The following PAPSS2 variants were observed in gnomAD, a reference collection of about 807,000 sequenced individuals.
PAPSS2 encodes 3'-phosphoadenosine 5'-phosphosulfate synthase 2, also known as bifunctional 3'-phosphoadenosine 5'-phosphosulfate synthase 2.
A neutral mutation model predicts 66.5 loss-of-function variants in PAPSS2; 61 were observed. The ratio of observed to expected loss-of-function variants is 0.92; its 90% CI spans 0.75 to 1.14. The LOEUF (loss-of-function observed/expected upper bound fraction) is 1.14. Among genes scored for constraint, PAPSS2 ranks in the 50% most tolerant of loss-of-function variants. PAPSS2 has a pLI of 0.00. For missense variants in PAPSS2, 708 were observed against 789.6 expected (o/e 0.90, Z 1.24); for synonymous variants, 289 against 287.5 (o/e 1.01, Z -0.05).
In PAPSS2 at chr10:87,743,806, T is replaced by A. The variant is rs190016044; in HGVS notation, c.1491+165T>A. Among the ~76,000 whole-genome samples the A allele has an allele frequency of 3.9e-4, 59 of 152,276 alleles. No homozygotes were observed. The East Asian group carries it at 0.01, about 26-fold the overall frequency. On this transcript the variant is annotated intron_variant, in intron 11 of 12. Transcript: ENST00000456849. ...AGCTTAATTATGTTTCCACTTAGTA[T>A]TTGAAAAGTGCTAGAAGGCCAGGCG...
intron 12 of PAPSS2, among the ~76,000 whole-genome samples, chr10:87,745,466 C>G (rs1853926201): frequency 6.6e-6 from 1 of 152,158 alleles, no homozygotes; most frequent in African/African-American, 2.4e-5. Flanking sequence ...CATTCTTGAG[C>G]ATGCACAGAG....
At chr10:87,714,218 T>C (rs1206978064) in intron 4 of PAPSS2, 36 bp downstream of exon 4, 1 of 1,605,584 alleles carries the variant, frequency 6.2e-7, no homozygotes. Flanking sequence ...ACCAGTTACA[T>C]AGGCTGTCAG....
intron 1 of PAPSS2, among the ~76,000 whole-genome samples, chr10:87,697,800 CT>C (rs1332472874): frequency 1.1e-4 from 16 of 152,016 alleles, no homozygotes; most frequent in African/African-American, 3.6e-4. Flanking sequence ...ACAGTCTCTT[CT>C]CTTCCAGATA....
intron 9 of PAPSS2, among the ~76,000 whole-genome samples, chr10:87,739,322 G>A (rs1424556027): frequency 6.6e-6 from 1 of 152,162 alleles, no homozygotes; most frequent in African/African-American, 2.4e-5. Context: ...TTTAAAAATA[G>A]GGTTTTAGCT....
chr10:87,669,911 T>G (rs1302323885), intron 1 of PAPSS2, among the ~76,000 whole-genome samples: 1 of 152,250 alleles, frequency 6.6e-6, no homozygotes, highest in Non-Finnish European at 1.5e-5. Context: ...ACAGCTAGAT[T>G]AGGTAACTAG....
rs1375931554 is a variant in PAPSS2 at position 87,715,660 on chromosome 10, G to C, written c.754-72G>C. On this transcript the variant is annotated intron_variant, in intron 6 of 12. Coordinates refer to ENST00000456849, the MANE Select transcript of PAPSS2 (RefSeq NM_001015880.2). Reference sequence around the variant, plus strand: ...ATCCTCCTGTTAACTGAATAAGAAAGGACTTCCCTGGGGCCAGATGCCTGG... The same window carrying C: ...ATCCTCCTGTTAACTGAATAAGAAACGACTTCCCTGGGGCCAGATGCCTGG... 3.3e-6 allele frequency: 3 copies of C among 906,900 alleles called. No individual in the cohort carries two copies. The East Asian group carries it at 7.4e-5, about 22-fold the overall frequency. The allele number at this position is 906,900 out of a possible 1,614,324, so 56.2% of individuals were successfully genotyped here. A position where few individuals can be genotyped will look rare whatever the true frequency, so the allele number is the denominator to read the frequency against.
chr10:87,738,391 GT>G (rs530482092), intron 9 of PAPSS2, among the ~76,000 whole-genome samples: 27 of 149,110 alleles, frequency 1.8e-4, no homozygotes, highest in African/African-American at 2.4e-4. Flanking sequence ...ACCAACACTT[GT>G]TTTTTTTCTT....
At chr10:87,684,745 A>G (rs1266655137) in intron 1 of PAPSS2, among the ~76,000 whole-genome samples, 1 of 152,166 alleles carries the variant, frequency 6.6e-6, no homozygotes, top group African/African-American at 2.4e-5. Context: ...GGTAGGTGCT[A>G]TTATTCCATC....
chr10:87,707,564 C>CTTTTTTTTT (rs747152482), intron 1 of PAPSS2, among the ~76,000 whole-genome samples: 1,868 of 93,684 alleles, frequency 0.02, 1 homozygote, highest in Non-Finnish European at 0.029. Context: ...TCTTTTTTTT[C>CTTTTTTTTT]TTTTTTTTTT....
At chr10:87,701,233 CTT>C (rs915366861) in intron 1 of PAPSS2, among the ~76,000 whole-genome samples, 35 of 105,798 alleles carry the variant, frequency 3.3e-4, no homozygotes, top group East Asian at 1.7e-3. Flanking sequence ...TAATAATTTT[CTT>C]TCTTTTTTCT....
intron 2 of PAPSS2, among the ~76,000 whole-genome samples, chr10:87,712,534 C>T (rs1389170210): frequency 2.0e-5 from 3 of 152,182 alleles, no homozygotes; most frequent in Non-Finnish European, 4.4e-5. Context: ...TCACTGCATG[C>T]AGCCTTGACT....
chr10:87,709,273 A>G lies in PAPSS2; in HGVS notation c.105A>G (p.Gly35=). ...VSRNKRGQVV[G]TRGGFRGCTV... ...GGAATAAGAGAGGGCAAGTGGTTGG[A>G]ACAAGGGGTGGGTTCCGAGGATGTA... The change falls in exon 2 of 13, where the codon GGA becomes GGG. Residue 35 remains glycine (G), a synonymous_variant. Coordinates refer to ENST00000456849, the MANE Select transcript of PAPSS2 (RefSeq NM_001015880.2). 2 of 1,613,324 alleles carry G rather than the reference A, an allele frequency of 1.2e-6. No individual in the cohort carries two copies. The highest frequency in any genetic ancestry group is 1.7e-6 in the Non-Finnish European group (2 of 1,179,398).
chr10:87,698,927 A>G (rs1465265099), intron 1 of PAPSS2, among the ~76,000 whole-genome samples: 1 of 152,252 alleles, frequency 6.6e-6, no homozygotes, highest in East Asian at 1.9e-4. Flanking sequence ...TATTCAGTTA[A>G]GACTTTCCTA....
At chr10:87,672,481 T>C (rs74536417) in intron 1 of PAPSS2, among the ~76,000 whole-genome samples, 7,092 of 152,254 alleles carry the variant, frequency 0.047, 475 homozygotes, top group African/African-American at 0.15. Flanking sequence ...CCTTTTTGTG[T>C]GTGTTTATTT....
chr10:87,719,795 A>G (rs1564723174), intron 7 of PAPSS2, among the ~76,000 whole-genome samples: 2 of 152,166 alleles, frequency 1.3e-5, no homozygotes, highest in African/African-American at 4.8e-5. Context: ...GCTGAGAAAT[A>G]CAGTACAGTC....
chr10:87,741,725 C>A (rs773554002), intron 10 of PAPSS2, among the ~76,000 whole-genome samples: 1 of 150,706 alleles, frequency 6.6e-6, no homozygotes, highest in East Asian at 2.0e-4. Flanking sequence ...TCCCTTACCA[C>A]CCTCTGATTA....
At chr10:87,730,198 A>G (rs1197040708) in intron 9 of PAPSS2, among the ~76,000 whole-genome samples, 2 of 152,220 alleles carry the variant, frequency 1.3e-5, no homozygotes, top group East Asian at 3.8e-4. Flanking sequence ...GCAACTGACA[A>G]AAGGCAGATT....
At chr10:87,697,616 A>G (rs75503451) in intron 1 of PAPSS2, among the ~76,000 whole-genome samples, 1,695 of 152,350 alleles carry the variant, frequency 0.011, 31 homozygotes, top group African/African-American at 0.039. Context: ...GTCCAAGGAA[A>G]ATAAGGCAGA....
chr10:87,690,885 G>A (rs1853163771), intron 1 of PAPSS2, among the ~76,000 whole-genome samples: 1 of 152,166 alleles, frequency 6.6e-6, no homozygotes, highest in African/African-American at 2.4e-5. Flanking sequence ...TTACTTAAGG[G>A]CATACAGCAG....
Sources: gnomAD v4.1 joint callset for allele counts (sites outside exome capture counted in the v4.1 genomes callset) on GRCh38, gnomAD v4.1.1 for gene constraint, MANE v1.5 for transcripts, NCBI Gene and HGNC (gene_info 2026-07-23, HGNC 2026-07-21) for gene names.